The following SERPINA1 variants were observed in gnomAD, a reference collection of about 807,000 sequenced individuals.
The protein encoded by SERPINA1 is serpin family A member 1.
SERPINA1 carries 21 observed loss-of-function variants against 25.4 expected under a neutral mutation model. That is an observed-to-expected ratio of 0.83 (90% CI 0.59 to 1.19). The LOEUF (loss-of-function observed/expected upper bound fraction) is 1.19, where lower values mean the gene tolerates loss of function less well. Among genes scored for constraint, SERPINA1 ranks in the 50% most tolerant of loss-of-function variants. SERPINA1 has a pLI of 0.00. For missense variants in SERPINA1, 546 were observed against 509.0 expected, an observed-to-expected ratio of 1.07 and a Z score of -0.70; for synonymous variants, 218 against 211.1, an observed-to-expected ratio of 1.03 and a Z score of -0.29.
upstream of SERPINA1, chr14:94,390,547 C>T (rs56367058): frequency 0.048 from 7,256 of 152,630 alleles, 393 homozygotes; most frequent in Admixed American, 0.17. Flanking sequence ...GTTGCCGCCC[C>T]TCCAACCTGG....
In SERPINA1 at chr14:94,377,970, C is replaced by T. The variant is rs7142803; in HGVS notation, c.*479G>A. 3.6e-4 allele frequency: 68 copies of T among 186,598 alleles called. 1 individual carries two copies. The highest frequency in any genetic ancestry group is 1.5e-3 in the African/African-American group (65 of 42,638). The allele number at this position is 186,598 out of a possible 1,614,324, so 11.6% of individuals were successfully genotyped here. On this transcript the variant is annotated 3_prime_UTR_variant, in exon 5 of 5. Coordinates refer to ENST00000393087, the MANE Select transcript of SERPINA1 (RefSeq NM_000295.5). The stretch of plus-strand genomic sequence containing the variant: ...GGCACGATCAGGCAGTTCTGGGGCC[C>T]CCAGGAGGGCAGCCTTGGGGTGGGC...
At chr14:94,387,383 C>CTAT (rs1897351698) in intron 1 of SERPINA1, among the ~76,000 whole-genome samples, 1 of 152,238 alleles carries the variant, frequency 6.6e-6, no homozygotes, top group African/African-American at 2.4e-5. Context: ...GTTCTTGCTG[C>CTAT]TATTGCTGCA....
chr14:94,390,300 A>G (rs1570141), upstream of SERPINA1: 98,296 of 152,060 alleles, frequency 0.65, 32,893 homozygotes, highest in African/African-American at 0.82. Context: ...CAGCTCCAGC[A>G]CTGGGCTGTG....
At chr14:94,386,386 C>T (rs955211067) in intron 1 of SERPINA1, among the ~76,000 whole-genome samples, 3 of 152,092 alleles carry the variant, frequency 2.0e-5, no homozygotes, top group Non-Finnish European at 4.4e-5. Flanking sequence ...AAGAGCAACC[C>T]GGCAGGGTGC....
At chr14:94,379,731 A>T in intron 3 of SERPINA1, 120 bp from the exon 4 acceptor site, 1 of 1,357,824 alleles carries the variant, frequency 7.4e-7, no homozygotes, top group Admixed American at 1.8e-5. Context: ...TGTGTCCTCC[A>T]CCCACACTAA....
At chr14:94,387,125 C>T (rs1474255190) in intron 1 of SERPINA1, among the ~76,000 whole-genome samples, 1 of 152,206 alleles carries the variant, frequency 6.6e-6, no homozygotes, top group Non-Finnish European at 1.5e-5. Flanking sequence ...AATCAGAAAA[C>T]TTCAGAGGCA....
intron 4 of SERPINA1, 26 bp from the exon 5 acceptor site, chr14:94,378,666 G>C: frequency 6.2e-7 from 1 of 1,607,802 alleles, no homozygotes. Flanking sequence ...GCAGAGACAC[G>C]TTGTAAGGCT....
rs767986567 is a variant in SERPINA1, at chr14:94,383,159, G to A, written c.79C>T (p.Pro27Ser). Residue 27 changes from proline (P) to serine (S), a missense_variant, in exon 2 of 5, where the codon CCC becomes TCC. Coordinates refer to ENST00000393087, the MANE Select transcript of SERPINA1 (RefSeq NM_000295.5). Reference sequence around the variant, plus strand: ...GTCTTCTGGGCAGCATCTCCCTGGGGATCCTCAGCCAGGGAGACAGGGACC... The same window carrying A: ...GTCTTCTGGGCAGCATCTCCCTGGGAATCCTCAGCCAGGGAGACAGGGACC... Reference protein sequence around the residue: ...CLVPVSLAEDPQGDAAQKTDT... With the variant: ...CLVPVSLAEDSQGDAAQKTDT... 20 of 1,614,212 alleles carry A rather than the reference G, an allele frequency of 1.2e-5. 1 individual carries two copies. The South Asian group carries it at 1.5e-4, about 12-fold the overall frequency.
chr14:94,389,187 G>T (rs1224929602), upstream of SERPINA1, among the ~76,000 whole-genome samples: 3 of 152,204 alleles, frequency 2.0e-5, no homozygotes, highest in African/African-American at 7.2e-5. Flanking sequence ...GGCATGGGGG[G>T]CCGTGAGACA....
rs11558263 is a variant in SERPINA1, at chr14:94,382,803, G to T, written c.435C>A (p.Ser145Arg). The T allele has an allele frequency of 2.5e-6, 4 of 1,614,214 alleles. No homozygotes were observed. The highest frequency in any genetic ancestry group is 4.5e-5 in the East Asian group (2 of 44,882). Residue 145 changes from serine (S) to arginine (R), a missense_variant, in exon 2 of 5, where the codon AGC (serine) becomes AGA (arginine). Ser to Arg is a moderately radical substitution (Grantham distance 110, BLOSUM62 -1). Transcript: ENST00000393087. ...QLTTGNGLFL[S>R]EGLKLVDKFL... ...ACTTATCCACTAGCTTCAGGCCCTC[G>T]CTGAGGAACAGGCCATTGCCGGTGG...
In SERPINA1 at chr14:94,378,341, G is replaced by A; in HGVS notation, c.*108C>T. 1 of 963,290 alleles carries A rather than the reference G, an allele frequency of 1.0e-6. No homozygotes were observed. Among genetic ancestry groups the A allele is most frequent in the South Asian group, 1.4e-5 (1 of 70,684 alleles). 59.7% of individuals were successfully genotyped at this position (963,290 alleles called of 1,614,324 possible). On this transcript the variant is annotated 3_prime_UTR_variant, in exon 5 of 5. Coordinates refer to ENST00000393087, the MANE Select transcript of SERPINA1 (RefSeq NM_000295.5). Reference sequence around the variant, plus strand: ...GCAAAGGGAGACTCAGAGAAAACATGGGAGGGATTTACAGTCACATGCAGG... The same window carrying A: ...GCAAAGGGAGACTCAGAGAAAACATAGGAGGGATTTACAGTCACATGCAGG...
At chr14:94,389,839 A>T (rs998418330), upstream of SERPINA1, 1 of 152,144 alleles carries the variant, frequency 6.6e-6, no homozygotes, top group Non-Finnish European at 1.5e-5. Context: ...AGACCAGGGA[A>T]CCCACTTACT....
upstream of SERPINA1, among the ~76,000 whole-genome samples, chr14:94,390,153 G>A (rs1897598518): frequency 6.6e-6 from 1 of 152,086 alleles, no homozygotes; most frequent in African/African-American, 2.4e-5. Flanking sequence ...CTCCTTTCAG[G>A]CAGCGGGAAA....
intron 2 of SERPINA1, 123 bp from the exon 3 acceptor site, chr14:94,381,264 C>G: frequency 1.1e-6 from 1 of 947,516 alleles, no homozygotes; most frequent in East Asian, 2.6e-5. Context: ...ACACACATCC[C>G]TCGAGGCTCA....
chr14:94,380,621 G>A (rs906972533), intron 3 of SERPINA1: 34 of 566,182 alleles, frequency 6.0e-5, no homozygotes, highest in Admixed American at 3.0e-4. Context: ...CCACACTGGA[G>A]TGGGAAGTCC....
At chr14:94,386,671 T>TC (rs1239948309) in intron 1 of SERPINA1, among the ~76,000 whole-genome samples, 1 of 152,166 alleles carries the variant, frequency 6.6e-6, no homozygotes, top group African/African-American at 2.4e-5. Flanking sequence ...GTAGATTTCT[T>TC]CCCGGAGAGC....
Position 94,379,591 on chromosome 14 carries a change from G to C in SERPINA1, c.938C>G (p.Pro313Arg). The part of the protein sequence containing the change: ...EDRRSASLHL[P>R]KLSITGTYDL... Reference sequence around the variant, plus strand: ...ATAGGTTCCAGTAATGGACAGTTTGGGTAAATGTAAGCTGGCAGACCTGTC... The same window carrying C: ...ATAGGTTCCAGTAATGGACAGTTTGCGTAAATGTAAGCTGGCAGACCTGTC... Residue 313 changes from proline to arginine, a missense_variant, in exon 4 of 5, where the codon CCC becomes CGC. By Grantham distance (103) the Pro-to-Arg change is moderately radical. Coordinates refer to ENST00000393087, the MANE Select transcript of SERPINA1 (RefSeq NM_000295.5). 6.2e-7 allele frequency: 1 copy of C among 1,614,146 alleles called. No individual in the cohort carries two copies. The highest frequency in any genetic ancestry group is 8.5e-7 in the Non-Finnish European group (1 of 1,180,026).
chr14:94,384,695 T>C (rs1897179714), intron 1 of SERPINA1, among the ~76,000 whole-genome samples: 1 of 152,162 alleles, frequency 6.6e-6, no homozygotes, highest in African/African-American at 2.4e-5. Flanking sequence ...CATTGTTAAC[T>C]ACTAGTCACA....
rs1206520317 is a variant in SERPINA1, at chr14:94,382,606, T to C, written c.632A>G (p.Tyr211Cys). The C allele has an allele frequency of 1.9e-6, 3 of 1,614,112 alleles. No individual in the cohort carries two copies. The highest frequency in any genetic ancestry group is 2.5e-6 in the Non-Finnish European group (3 of 1,180,042). The change falls in exon 2 of 5, where the codon TAC (tyrosine) becomes TGC (cysteine). Residue 211 changes from tyrosine to cysteine, a missense_variant. Physicochemically the swap from Tyr to Cys is radical, Grantham distance 194 (BLOSUM62 -2). Coordinates refer to ENST00000393087, the MANE Select transcript of SERPINA1 (RefSeq NM_000295.5). ...AGCAACCTTACCTTTAAAGAAGATGTAATTCACCAGAGCAAAAACTGTGTC... is the reference window on the plus strand; with the variant it reads ...AGCAACCTTACCTTTAAAGAAGATGCAATTCACCAGAGCAAAAACTGTGTC... ...DRDTVFALVN[Y>C]IFFKGKWERP...
Sources: gnomAD v4.1 joint callset for allele counts (sites outside exome capture counted in the v4.1 genomes callset) on GRCh38, gnomAD v4.1.1 for gene constraint, MANE v1.5 for transcripts, NCBI Gene and HGNC (gene_info 2026-07-23, HGNC 2026-07-21) for gene names.